The following CSGALNACT1 variants were observed in gnomAD, a reference collection of about 807,000 sequenced individuals.
CSGALNACT1 encodes chondroitin sulfate N-acetylgalactosaminyltransferase 1.
A neutral mutation model predicts 51.0 loss-of-function variants in CSGALNACT1; 52 were observed. That is an observed-to-expected ratio of 1.02 (90% CI 0.82 to 1.29). CSGALNACT1 has a LOEUF of 1.29. Among genes scored for constraint, CSGALNACT1 ranks in the 50% most tolerant of loss-of-function variants. The pLI is 0.00. For missense variants in CSGALNACT1, 935 were observed against 679.2 expected (o/e 1.38, Z -4.19); for synonymous variants, 341 against 254.4 (o/e 1.34, Z -3.24).
chr8:19,419,631 G>A (rs1486062724), intron 7 of CSGALNACT1, among the ~76,000 whole-genome samples: 1 of 152,182 alleles, frequency 6.6e-6, no homozygotes. Context: ...ACTGCCCAAA[G>A]GTACTCCTTT....
chr8:19,438,329 T>A (rs1034713344), intron 6 of CSGALNACT1, among the ~76,000 whole-genome samples: 2 of 152,184 alleles, frequency 1.3e-5, no homozygotes, highest in African/African-American at 4.8e-5. Context: ...TATCTAGGAA[T>A]TGACATTGAC....
At chr8:19,641,858 T>G (rs774789049) in intron 1 of CSGALNACT1, 5 of 152,220 alleles carry the variant, frequency 3.3e-5, no homozygotes, top group Non-Finnish European at 7.3e-5. Flanking sequence ...AATTTTTTTC[T>G]GCGAAGGGAC....
chr8:19,651,878 A>C (rs1015902352), intron 1 of CSGALNACT1, among the ~76,000 whole-genome samples: 7 of 151,818 alleles, frequency 4.6e-5, no homozygotes, highest in African/African-American at 2.4e-5. Context: ...TTTACCAGCA[A>C]TTAATGTGTT....
rs34491658 is a variant in CSGALNACT1 at position 19,416,109 on chromosome 8, C to CTTTT, written c.1227+2543_1227+2546dup. On this transcript the variant is annotated intron_variant, in intron 8 of 9. Coordinates refer to ENST00000454498, the Ensembl canonical transcript of CSGALNACT1. The stretch of plus-strand genomic sequence containing the variant: ...TAACTTATTATTAAAGAAATGAAAA[C>CTTTT]TTTTTTTTTTTTTTTTTTTTTCTGA... Among the ~76,000 whole-genome samples, 247 of 116,698 alleles carry CTTTT rather than the reference C, an allele frequency of 2.1e-3. 15 individuals are homozygous for CTTTT. The highest frequency in any genetic ancestry group is 8.7e-3 in the East Asian group (31 of 3,564). 76.6% of individuals were successfully genotyped at this position (116,698 alleles called of 152,430 possible).
At position 19,505,573 on chromosome 8, in the gene CSGALNACT1, C is replaced by A. The variant is rs2077169514; in HGVS notation, c.262G>T (p.Glu88Ter). The change falls in exon 4 of 10, where the codon GAG becomes TAG. Residue 88 changes from glutamate (E) to a stop codon, truncating the protein, a stop_gained. Coordinates refer to ENST00000454498, the Ensembl canonical transcript of CSGALNACT1. LOFTEE classifies it high-confidence loss of function. ...CCATTCCTGAGCTGCTCACTCCTCT[C>A]CTGCAGCTCCTCCTTGAGCTGTGCG... is the stretch of plus-strand genomic sequence containing the variant. 6.2e-7 allele frequency: 1 copy of A among 1,613,890 alleles called. No homozygotes were observed. The highest frequency in any genetic ancestry group is 8.5e-7 in the Non-Finnish European group (1 of 1,180,048).
At chr8:19,586,407 G>GAAAA (rs34752027) in intron 3 of CSGALNACT1, among the ~76,000 whole-genome samples, 1 of 94,810 alleles carries the variant, frequency 1.1e-5, no homozygotes, top group Admixed American at 1.2e-4. Context: ...TAGTCTTATA[G>GAAAA]AAAAAAAAAA....
chr8:19,499,025 G>A (rs937515000), intron 4 of CSGALNACT1, among the ~76,000 whole-genome samples: 2 of 152,172 alleles, frequency 1.3e-5, no homozygotes, highest in Admixed American at 1.3e-4. Flanking sequence ...CGAGGTGGAG[G>A]AATCACTTGA....
At chr8:19,528,961 G>C (rs193012571) in intron 3 of CSGALNACT1, among the ~76,000 whole-genome samples, 1 of 152,142 alleles carries the variant, frequency 6.6e-6, no homozygotes, top group African/African-American at 2.4e-5. Flanking sequence ...TATGAGTAAT[G>C]GTTGTTAATG....
chr8:19,692,371 C>T (rs1055990573), intron 1 of CSGALNACT1, among the ~76,000 whole-genome samples: 42 of 152,194 alleles, frequency 2.8e-4, no homozygotes, highest in African/African-American at 9.7e-4. Context: ...GAGCTACTGT[C>T]TTAAAGCATA....
At chr8:19,515,147 CTCTA>C (rs1180127143) in intron 3 of CSGALNACT1, among the ~76,000 whole-genome samples, 1 of 152,114 alleles carries the variant, frequency 6.6e-6, no homozygotes, top group African/African-American at 2.4e-5. Flanking sequence ...ACCCCACTGT[CTCTA>C]TCTCAGGTCC....
chr8:19,682,739 G>A (rs756559764), upstream of CSGALNACT1: 3 of 453,954 alleles, frequency 6.6e-6, no homozygotes, highest in South Asian at 4.7e-5. Context: ...CCTGAGCAAG[G>A]CTGCGGATCC....
chr8:19,690,040 G>A (rs2061212268), intron 1 of CSGALNACT1, among the ~76,000 whole-genome samples: 3 of 152,186 alleles, frequency 2.0e-5, no homozygotes, highest in Admixed American at 2.0e-4. Flanking sequence ...CAAACTAAAT[G>A]TGTTGAATTT....
chr8:19,415,699 TG>T (rs1182886110), intron 8 of CSGALNACT1, among the ~76,000 whole-genome samples: 1 of 152,232 alleles, frequency 6.6e-6, no homozygotes, highest in Admixed American at 6.5e-5. Flanking sequence ...GAATTTGAAA[TG>T]GAAATGTTAA....
At chr8:19,630,072 A>C (rs1415822109) in intron 1 of CSGALNACT1, among the ~76,000 whole-genome samples, 1 of 152,144 alleles carries the variant, frequency 6.6e-6, no homozygotes, top group Non-Finnish European at 1.5e-5. Context: ...AAAACTGGGC[A>C]GGCCTCTACC....
chr8:19,594,293 G>A (rs2048435656), intron 2 of CSGALNACT1, among the ~76,000 whole-genome samples: 1 of 152,162 alleles, frequency 6.6e-6, no homozygotes, highest in Non-Finnish European at 1.5e-5. Context: ...AATAAGGCAA[G>A]GGAAGTGAGA....
At chr8:19,569,384 A>T (rs528608347) in intron 3 of CSGALNACT1, among the ~76,000 whole-genome samples, 5 of 152,182 alleles carry the variant, frequency 3.3e-5, no homozygotes, top group Non-Finnish European at 7.4e-5. Flanking sequence ...CAGTAAACTC[A>T]TCAAAGCAGG....
chr8:19,606,852 A>T (rs1353127689), upstream of CSGALNACT1, among the ~76,000 whole-genome samples: 1 of 152,146 alleles, frequency 6.6e-6, no homozygotes, highest in Admixed American at 6.5e-5. Context: ...TTTTCCTTAT[A>T]CTTTAAAGAT....
intron 1 of CSGALNACT1, among the ~76,000 whole-genome samples, chr8:19,741,562 A>G (rs868067144): frequency 0.18 from 23,175 of 131,672 alleles, 1,952 homozygotes; most frequent in Middle Eastern, 0.3. Context: ...GACTCCATCA[A>G]AAAAAAAAAA....
intron 6 of CSGALNACT1, among the ~76,000 whole-genome samples, chr8:19,428,019 G>A (rs1031069486): frequency 1.3e-5 from 2 of 152,202 alleles, no homozygotes; most frequent in Non-Finnish European, 2.9e-5. Context: ...TGCTACCTTA[G>A]GAGGACACAA....
Sources: gnomAD v4.1 joint callset for allele counts (sites outside exome capture counted in the v4.1 genomes callset) on GRCh38, gnomAD v4.1.1 for gene constraint, MANE v1.5 for transcripts, NCBI Gene and HGNC (gene_info 2026-07-23, HGNC 2026-07-21) for gene names.